LCLAT1: variants seen among roughly 807,000 people sequenced by gnomAD.
The protein encoded by LCLAT1 is 1-AGP acyltransferase 8.
A neutral mutation model predicts 30.7 loss-of-function variants in LCLAT1; 11 were observed. That is an observed-to-expected ratio of 0.36 (90% confidence interval 0.23 to 0.59). The LOEUF is 0.59. Ranked by LOEUF, LCLAT1 falls within the 20% of genes least tolerant of loss-of-function variation. LCLAT1 has a pLI of 0.77. For missense variants in LCLAT1, 402 were observed against 458.6 expected, an observed-to-expected ratio of 0.88 and a Z score of 1.13; for synonymous variants, 155 against 151.3, an observed-to-expected ratio of 1.02 and a Z score of -0.18.
chr2:30,604,921 A>G (rs1271190219), intron 5 of LCLAT1, among the ~76,000 whole-genome samples: 21 of 152,170 alleles, frequency 1.4e-4, no homozygotes, highest in Non-Finnish European at 1.3e-4. Flanking sequence ...GCCTGCCAGG[A>G]AAAAGGCTGC....
chr2:30,611,453 G>A (rs1247139940), intron 5 of LCLAT1, among the ~76,000 whole-genome samples: 1 of 152,058 alleles, frequency 6.6e-6, no homozygotes, highest in African/African-American at 2.4e-5. Flanking sequence ...TCTAGCATGT[G>A]GAACTTTCTG....
intron 1 of LCLAT1, among the ~76,000 whole-genome samples, chr2:30,514,565 C>G (rs1347266703): frequency 6.6e-6 from 1 of 152,120 alleles, no homozygotes; most frequent in Non-Finnish European, 1.5e-5. Context: ...TGTAAAGTTC[C>G]TGATAGGTAT....
chr2:30,550,823 A>G (rs1664644817), intron 3 of LCLAT1, among the ~76,000 whole-genome samples: 1 of 152,164 alleles, frequency 6.6e-6, no homozygotes, highest in East Asian at 1.9e-4. Flanking sequence ...TATATTATTC[A>G]TACTTCTGTG....
At chr2:30,542,878 C>CAT (rs1664211351) in intron 3 of LCLAT1, among the ~76,000 whole-genome samples, 1 of 151,012 alleles carries the variant, frequency 6.6e-6, no homozygotes, top group Non-Finnish European at 1.5e-5. Flanking sequence ...TTGTGGGTTC[C>CAT]ATAGGGTTTC....
Position 30,579,927 on chromosome 2 carries a change from C to CT in LCLAT1, c.628+11754dup, listed in dbSNP as rs545710364. On this transcript the variant is annotated intron_variant, in intron 5 of 5. Coordinates refer to ENST00000379509, the MANE Select transcript of LCLAT1 (RefSeq NM_001002257.3). ...ATAAAATAAGACCTTTAGAATAAGG[C>CT]TTTAGCATCATCATAGTTATCCCAA... Among the ~76,000 whole-genome samples the CT allele has an allele frequency of 1.3e-4, 20 of 152,204 alleles. No homozygotes were observed. The South Asian group carries it at 2.9e-3, about 22-fold the overall frequency.
At chr2:30,617,831 A>T (rs572824687) in intron 5 of LCLAT1, among the ~76,000 whole-genome samples, 2 of 152,296 alleles carry the variant, frequency 1.3e-5, no homozygotes, top group South Asian at 4.1e-4. Flanking sequence ...TATCCAATTT[A>T]AAACATTGGG....
intron 5 of LCLAT1, among the ~76,000 whole-genome samples, chr2:30,623,589 C>A (rs947632443): frequency 2.0e-5 from 3 of 151,380 alleles, no homozygotes; most frequent in African/African-American, 7.3e-5. Context: ...AAAAAAAAAA[C>A]AACAAAGCGT....
chr2:30,555,368 CAT>C (rs1456548748), intron 3 of LCLAT1, among the ~76,000 whole-genome samples: 1 of 152,112 alleles, frequency 6.6e-6, no homozygotes, highest in Admixed American at 6.5e-5. Flanking sequence ...AACAGAAAGA[CAT>C]AGGCAACAAG....
At chr2:30,636,924 A>C (rs1273079006) in intron 5 of LCLAT1, among the ~76,000 whole-genome samples, 1 of 152,220 alleles carries the variant, frequency 6.6e-6, no homozygotes, top group Non-Finnish European at 1.5e-5. Flanking sequence ...ACATGGGGAA[A>C]GGAGATCGGT....
chr2:30,484,711 T>C lies in LCLAT1; in HGVS notation c.-5+37328T>C, dbSNP rs1410463514. 5.3e-5 allele frequency among the ~76,000 whole-genome samples: 8 copies of C among 152,178 alleles called. No homozygotes were observed. The East Asian group carries it at 1.5e-3, about 29-fold the overall frequency. ...AATTTTAATATGACTAGAACTATTA[T>C]GATCAGTGTTTAACTGTATGTACAT... On this transcript the variant is annotated intron_variant, in intron 1 of 5. Coordinates refer to ENST00000379509, the MANE Select transcript of LCLAT1 (RefSeq NM_001002257.3).
At chr2:30,571,110 G>T (rs1379076655) in intron 5 of LCLAT1, among the ~76,000 whole-genome samples, 1 of 152,148 alleles carries the variant, frequency 6.6e-6, no homozygotes, top group Non-Finnish European at 1.5e-5. Flanking sequence ...TGAATTCAAA[G>T]AAAGCAGTTT....
chr2:30,549,756 G>T (rs1375752912), intron 3 of LCLAT1, among the ~76,000 whole-genome samples: 2 of 152,174 alleles, frequency 1.3e-5, no homozygotes, highest in Non-Finnish European at 2.9e-5. Context: ...AGGCAACATT[G>T]TAAGACCTGG....
At chr2:30,557,835 C>CT (rs1286951170) in intron 3 of LCLAT1, among the ~76,000 whole-genome samples, 5 of 152,006 alleles carry the variant, frequency 3.3e-5, no homozygotes, top group Admixed American at 6.6e-5. Flanking sequence ...TATTATTTGA[C>CT]TTTTTGTTAT....
At chr2:30,468,216 T>C (rs1433104740) in intron 1 of LCLAT1, among the ~76,000 whole-genome samples, 1 of 152,230 alleles carries the variant, frequency 6.6e-6, no homozygotes, top group Admixed American at 6.5e-5. Context: ...CTTTCCCCAT[T>C]TCTTGTTTTT....
At chr2:30,628,708 A>G (rs909368114) in intron 5 of LCLAT1, among the ~76,000 whole-genome samples, 3 of 152,212 alleles carry the variant, frequency 2.0e-5, no homozygotes, top group Non-Finnish European at 2.9e-5. Context: ...TTGGTATTTC[A>G]GTACAAGGAG....
chr2:30,518,369 A>G (rs1333966030), intron 1 of LCLAT1, among the ~76,000 whole-genome samples: 1 of 152,178 alleles, frequency 6.6e-6, no homozygotes, highest in African/African-American at 2.4e-5. Context: ...TTGATAGGAA[A>G]ACTCTTGTAG....
chr2:30,640,067 A>C (rs1669219616), intron 5 of LCLAT1, 50 bp from the exon 6 acceptor site: 2 of 1,460,750 alleles, frequency 1.4e-6, no homozygotes, highest in African/African-American at 2.8e-5. Flanking sequence ...CAGCATTATC[A>C]CCCAAATTGA....
intron 5 of LCLAT1, among the ~76,000 whole-genome samples, chr2:30,639,442 G>A (rs146264078): frequency 1.4e-3 from 210 of 151,588 alleles, no homozygotes; most frequent in African/African-American, 4.8e-3. Flanking sequence ...ACAGGATCAG[G>A]GTCTTACTTG....
At chr2:30,463,372 C>CT (rs1210943282) in intron 1 of LCLAT1, among the ~76,000 whole-genome samples, 3 of 151,922 alleles carry the variant, frequency 2.0e-5, no homozygotes, top group Admixed American at 6.6e-5. Flanking sequence ...ATAGAGATTT[C>CT]TTTTTTTGTT....
Sources: allele counts gnomAD v4.1 joint callset (sites outside exome capture counted in the v4.1 genomes callset), GRCh38; gene constraint gnomAD v4.1.1; transcripts MANE v1.5; gene names NCBI Gene and HGNC (gene_info 2026-07-23, HGNC 2026-07-21).